Variants in WASHC2C observed in about 807,000 individuals in gnomAD.
WASHC2C encodes Vaccinia Penetration Factor.
In WASHC2C, 73 loss-of-function variants were observed where a neutral mutation model predicts 142.2. The ratio of observed to expected loss-of-function variants is 0.51; its 90% CI spans 0.43 to 0.62. WASHC2C has a LOEUF of 0.62. Ranked by LOEUF, WASHC2C falls within the 20% of genes least tolerant of loss-of-function variation. WASHC2C has a pLI of 0.00. For synonymous variants in WASHC2C, 337 were observed against 565.5 expected (o/e 0.60, Z 5.73); for missense variants, 969 against 1,531.7 (o/e 0.63, Z 6.13).
chr10:45,791,511 A>G (rs1418561370), intron 30 of WASHC2C, among the ~76,000 whole-genome samples: 4 of 146,288 alleles, frequency 2.7e-5, no homozygotes, highest in African/African-American at 1.0e-4. Flanking sequence ...TCTGTCTTTT[A>G]GTTACTTAAT....
intron 20 of WASHC2C, among the ~76,000 whole-genome samples, chr10:45,772,779 T>C (rs529416853): frequency 4.6e-5 from 7 of 152,308 alleles, no homozygotes; most frequent in African/African-American, 1.7e-4. Flanking sequence ...ATGTAAATTA[T>C]GTCTCGATAA....
intron 3 of WASHC2C, among the ~76,000 whole-genome samples, chr10:45,731,045 A>G (rs1405060914): frequency 6.7e-6 from 1 of 149,736 alleles, no homozygotes; most frequent in African/African-American, 2.5e-5. Context: ...CTTAGGTCTT[A>G]TCTTTTCTCC....
At chr10:45,732,646 A>T (rs2050739724) in intron 3 of WASHC2C, among the ~76,000 whole-genome samples, 1 of 152,076 alleles carries the variant, frequency 6.6e-6, no homozygotes, top group Non-Finnish European at 1.5e-5. Flanking sequence ...CAAGGTTAGA[A>T]TTTTTTTTGT....
At chr10:45,746,525 G>C (rs1242750404) in intron 7 of WASHC2C, 75 bp from the exon 8 acceptor site, 86 of 1,539,598 alleles carry the variant, frequency 5.6e-5, no homozygotes, top group Non-Finnish European at 7.7e-5. Flanking sequence ...CTGCCCCAGA[G>C]ACTTAGACCT....
chr10:45,759,535 A>G, intron 17 of WASHC2C, 134 bp downstream of exon 17: 1 of 1,472,650 alleles, frequency 6.8e-7, no homozygotes, highest in Non-Finnish European at 9.2e-7. Flanking sequence ...AATTATCTCT[A>G]GAGGCAAGGA....
At position 45,790,466 on chromosome 10, in the gene WASHC2C, A is replaced by C; in HGVS notation, c.3819A>C (p.Leu1273Phe). ...ATAACATTGATATCTTTGCTGACTT[A>C]ACTGTAAAACCAAAAGAAAAGTCCA... ...FDDNIDIFADLTVKPKEKSKK... is the reference protein window; with the variant it reads ...FDDNIDIFADFTVKPKEKSKK... The change falls in exon 30 of 31, where the codon TTA becomes TTC. Residue 1273 changes from leucine to phenylalanine, a missense_variant. Physicochemically the swap from Leu to Phe is conservative, Grantham distance 22. Transcript: ENST00000623400. 10 of 1,611,082 alleles carry C rather than the reference A, an allele frequency of 6.2e-6. No homozygotes were observed. Among genetic ancestry groups the C allele is most frequent in the Non-Finnish European group, 8.5e-6 (10 of 1,179,336 alleles).
intron 27 of WASHC2C, 66 bp downstream of exon 27, chr10:45,786,740 A>G: frequency 1.9e-6 from 3 of 1,611,270 alleles, no homozygotes; most frequent in Middle Eastern, 2.3e-4. Flanking sequence ...TGGGTTTCCT[A>G]CTCTTGTCAG....
At chr10:45,775,753 C>T (rs2057015925) in intron 21 of WASHC2C, among the ~76,000 whole-genome samples, 1 of 148,826 alleles carries the variant, frequency 6.7e-6, no homozygotes, top group African/African-American at 2.5e-5. Context: ...CGCATCTCGG[C>T]TCACTGCAAG....
chr10:45,736,515 A>G (rs1384408223), intron 3 of WASHC2C, among the ~76,000 whole-genome samples: 1 of 150,754 alleles, frequency 6.6e-6, no homozygotes, highest in Admixed American at 6.6e-5. Context: ...CAAGAGAATC[A>G]TTTGAGCCTG....
chr10:45,781,217 A>G (rs1221784056), intron 23 of WASHC2C, among the ~76,000 whole-genome samples: 1 of 152,214 alleles, frequency 6.6e-6, no homozygotes, highest in Non-Finnish European at 1.5e-5. Context: ...AAGAAATTAA[A>G]GACCTAAAAT....
rs782311927 is a variant in WASHC2C at position 45,777,449 on chromosome 10, T to C, written c.2295+24T>C. 6 of 1,611,342 alleles carry C rather than the reference T, an allele frequency of 3.7e-6. No homozygotes were observed. The African/African-American group carries it at 6.7e-5, about 18-fold the overall frequency. The stretch of plus-strand genomic sequence containing the variant: ...AGGTGGACTTTTTTTCTTGTATACT[T>C]GAATGCATTTGTCTCTCGTATGTTG... On this transcript the variant is annotated intron_variant, in intron 22 of 30. Coordinates refer to ENST00000623400, the MANE Select transcript of WASHC2C (RefSeq NM_001330074.2).
At chr10:45,790,659 C>T (rs1292729960) in intron 30 of WASHC2C, 126 bp downstream of exon 30, 2 of 799,388 alleles carry the variant, frequency 2.5e-6, no homozygotes, top group African/African-American at 3.4e-5. Flanking sequence ...TCAGTGTAAT[C>T]CTGAGTTAGG....
intron 3 of WASHC2C, among the ~76,000 whole-genome samples, chr10:45,735,936 C>A (rs1445147407): frequency 9.9e-5 from 15 of 151,682 alleles, no homozygotes; most frequent in East Asian, 9.7e-4. Context: ...AGGTAAAATC[C>A]TTCTCTAGGT....
At chr10:45,727,116 C>A (rs1435926734), upstream of WASHC2C, 3 of 1,410,526 alleles carry the variant, frequency 2.1e-6, no homozygotes, top group South Asian at 3.1e-5. Flanking sequence ...AGGGTAGAAC[C>A]CCAAACTCCA....
rs201112009 is a variant in WASHC2C, at chr10:45,785,509, G to T, written c.2689G>T (p.Val897Leu). Residue 897 changes from valine to leucine, a missense_variant and splice_region_variant, in exon 26 of 31, where the codon GTA (valine) becomes TTA (leucine). By Grantham distance (32) the Val-to-Leu change is conservative. Transcript: ENST00000623400. ...TTTTGGTATTTTTTTTCTTTTGAAGGTACAAGAGAAAAAGAGAGTAGTGAA... is the reference window on the plus strand; with the variant it reads ...TTTTGGTATTTTTTTTCTTTTGAAGTTACAAGAGAAAAAGAGAGTAGTGAA... ...LFSSAKSQPL[V>L]QEKKRVVKKD... 2.0e-4 allele frequency: 315 copies of T among 1,612,786 alleles called. 1 individual carries two copies. In the African/African-American group the frequency reaches 3.6e-3, roughly 19 times the overall value.
chr10:45,758,606 C>CTTT (rs60416109), intron 16 of WASHC2C, among the ~76,000 whole-genome samples: 63 of 128,104 alleles, frequency 4.9e-4, no homozygotes, highest in South Asian at 9.8e-4. Flanking sequence ...CATTCTTCTT[C>CTTT]TTTTTTTTTT....
chr10:45,748,458 T>G (rs2053128820), intron 8 of WASHC2C, among the ~76,000 whole-genome samples: 2 of 152,014 alleles, frequency 1.3e-5, no homozygotes, highest in Non-Finnish European at 2.9e-5. Context: ...CCCAGCTAGT[T>G]TTTGTATTTT....
At chr10:45,752,810 A>G in intron 12 of WASHC2C, 104 bp downstream of exon 12, 1 of 732,358 alleles carries the variant, frequency 1.4e-6, no homozygotes, top group Non-Finnish European at 2.2e-6. Flanking sequence ...ACAGTTTCTC[A>G]GTTGGAAGTT....
At chr10:45,785,858 C>G (rs1554889876) in intron 26 of WASHC2C, 23 of 848,704 alleles carry the variant, frequency 2.7e-5, no homozygotes, top group Admixed American at 1.1e-4. Context: ...TTTTTTGATG[C>G]CATGCCAGAT....
Sources: gnomAD v4.1 joint callset for allele counts (sites outside exome capture counted in the v4.1 genomes callset) on GRCh38, gnomAD v4.1.1 for gene constraint, MANE v1.5 for transcripts, NCBI Gene and HGNC (gene_info 2026-07-23, HGNC 2026-07-21) for gene names.